The following ATF6 variants were observed in gnomAD, a reference collection of about 807,000 sequenced individuals.
ATF6 encodes the protein activating transcription factor 6.
A neutral mutation model predicts 83.6 loss-of-function variants in ATF6; 53 were observed. That is an observed-to-expected ratio of 0.63 (90% CI 0.51 to 0.80). The LOEUF (loss-of-function observed/expected upper bound fraction) is 0.80. Among genes scored for constraint, ATF6 ranks in the 30% least tolerant of loss-of-function variants. The pLI, the probability that ATF6 is intolerant of heterozygous loss-of-function variation, is 0.00. For synonymous variants in ATF6, 288 were observed against 285.8 expected (o/e 1.01, Z -0.08); for missense variants, 744 against 797.9 (o/e 0.93, Z 0.81).
At chr1:161,776,789 T>A (rs996180738) in intron 1 of ATF6, among the ~76,000 whole-genome samples, 2 of 152,208 alleles carry the variant, frequency 1.3e-5, no homozygotes, top group Admixed American at 1.3e-4. Context: ...CACATGCATC[T>A]TGAAGTGTGG....
intron 15 of ATF6, among the ~76,000 whole-genome samples, chr1:161,924,961 G>A (rs983413157): frequency 6.6e-6 from 1 of 152,106 alleles, no homozygotes; most frequent in Non-Finnish European, 1.5e-5. Flanking sequence ...TATAATCACC[G>A]CCATGTATAG....
chr1:161,831,766 G>C (rs181761989), intron 9 of ATF6, among the ~76,000 whole-genome samples: 1 of 142,986 alleles, frequency 7.0e-6, no homozygotes, highest in Admixed American at 7.0e-5. Flanking sequence ...GGATACAGGA[G>C]GGGGAACATC....
chr1:161,856,943 T>C (rs571047610), intron 12 of ATF6, among the ~76,000 whole-genome samples: 22 of 152,324 alleles, frequency 1.4e-4, no homozygotes, highest in Admixed American at 3.9e-4. Context: ...GGTACACTTC[T>C]TTCTGTAGGG....
In ATF6 at chr1:161,933,256, C is replaced by T. The variant is rs543462869; in HGVS notation, c.1804+20876C>T. On this transcript the variant is annotated intron_variant, in intron 15 of 15. Coordinates refer to ENST00000367942, the MANE Select transcript of ATF6 (RefSeq NM_007348.4). ...TTTTTATATAGAACATTGATATGTA[C>T]AGTTCCATCCTGCAAACAAGTGATA... Among the ~76,000 whole-genome samples, 281 of 152,300 alleles carry T rather than the reference C, an allele frequency of 1.8e-3. 2 individuals carry two copies. Among genetic ancestry groups the T allele is most frequent in the Non-Finnish European group, 2.9e-3 (197 of 68,020 alleles).
In ATF6 at chr1:161,802,168, G is replaced by T. The variant is rs1010112292; in HGVS notation, c.805G>T (p.Val269Leu). The T allele has an allele frequency of 3.1e-6, 5 of 1,613,936 alleles. No homozygotes were observed. The highest frequency in any genetic ancestry group is 4.2e-6 in the Non-Finnish European group (5 of 1,180,018). Residue 269 changes from valine to leucine, a missense_variant, in exon 7 of 16, where the codon GTG (valine) becomes TTG (leucine). Val to Leu is a conservative substitution (Grantham distance 32). Transcript: ENST00000367942. ...GGGAGTCACACAGCTCCCTAATCAC[G>T]TGGTGAATGTGGTACCAGCCCCTTC... is the stretch of plus-strand genomic sequence containing the variant. Reference protein sequence around the residue: ...AGGVTQLPNHVVNVVPAPSAN... With the variant: ...AGGVTQLPNHLVNVVPAPSAN...
At chr1:161,929,870 C>G (rs1252969759) in intron 15 of ATF6, among the ~76,000 whole-genome samples, 1 of 152,174 alleles carries the variant, frequency 6.6e-6, no homozygotes, top group Non-Finnish European at 1.5e-5. Context: ...ACTTGAGACC[C>G]ATTTGGTCTG....
chr1:161,845,552 T>TATA lies in ATF6; in HGVS notation c.1188-896_1188-895insTAA, dbSNP rs1321949129. On this transcript the variant is annotated intron_variant, in intron 9 of 15. Transcript: ENST00000367942. ...GGAGGCCAAGGTGGGAGGATAGCTT[T>TATA]AGCTCAGGAGTTTGAGACTAGTCTG... is the stretch of plus-strand genomic sequence containing the variant. Among the ~76,000 whole-genome samples, 6 of 152,128 alleles carry TATA rather than the reference T, an allele frequency of 3.9e-5. No individual in the cohort carries two copies. In the East Asian group the frequency reaches 1.2e-3, roughly 29 times the overall value.
At chr1:161,809,862 T>C (rs1444525429) in intron 7 of ATF6, among the ~76,000 whole-genome samples, 1 of 152,268 alleles carries the variant, frequency 6.6e-6, no homozygotes, top group Non-Finnish European at 1.5e-5. Flanking sequence ...TCTGTTCATA[T>C]CTTTCGCCCA....
intron 6 of ATF6, among the ~76,000 whole-genome samples, chr1:161,801,383 G>GCC (rs1685144014): frequency 3.8e-5 from 1 of 26,042 alleles, no homozygotes; most frequent in Non-Finnish European, 8.4e-5. Flanking sequence ...TTTTTTTTTT[G>GCC]TCCTTTTTAG....
chr1:161,835,386 T>C (rs916727536), intron 9 of ATF6, among the ~76,000 whole-genome samples: 1 of 152,160 alleles, frequency 6.6e-6, no homozygotes, highest in Non-Finnish European at 1.5e-5. Flanking sequence ...TATTGCTAAC[T>C]GAGCCCTACC....
intron 15 of ATF6, among the ~76,000 whole-genome samples, chr1:161,956,593 G>A (rs1688972054): frequency 6.6e-6 from 1 of 152,218 alleles, no homozygotes; most frequent in Non-Finnish European, 1.5e-5. Flanking sequence ...CATAACAGCG[G>A]TCTTAAAGAA....
At chr1:161,784,478 C>G (rs1684702622) in intron 4 of ATF6, among the ~76,000 whole-genome samples, 1 of 152,108 alleles carries the variant, frequency 6.6e-6, no homozygotes, top group Admixed American at 6.5e-5. Context: ...TCTCTTTAGT[C>G]ACAGCATCTA....
At chr1:161,833,093 T>C (rs1201367750) in intron 9 of ATF6, among the ~76,000 whole-genome samples, 2 of 152,194 alleles carry the variant, frequency 1.3e-5, no homozygotes, top group Non-Finnish European at 2.9e-5. Flanking sequence ...CATTTGCAGT[T>C]CACCAATATC....
At chr1:161,923,507 G>T (rs2101897135) in intron 15 of ATF6, among the ~76,000 whole-genome samples, 1 of 152,158 alleles carries the variant, frequency 6.6e-6, no homozygotes, top group South Asian at 2.1e-4. Flanking sequence ...CTACTATAAG[G>T]TAAACCTGGA....
rs1409760273 is a variant in ATF6, at chr1:161,959,683, A to AG, written c.*1029_*1030insG. 3.3e-5 allele frequency: 5 copies of AG among 151,902 alleles called. No individual in the cohort carries two copies. The East Asian group carries it at 7.7e-4, about 23-fold the overall frequency. The allele number at this position is 151,902 out of a possible 1,614,324, so 9.4% of individuals were successfully genotyped here. On this transcript the variant is annotated 3_prime_UTR_variant, in exon 16 of 16. Coordinates refer to ENST00000367942, the MANE Select transcript of ATF6 (RefSeq NM_007348.4). ...AGACTCCGTCTCAAAAAAAAAAAAA[A>AG]AAAAAAAAAAAGATGGAAAGTTCGA... is the stretch of plus-strand genomic sequence containing the variant.
At chr1:161,920,647 A>G (rs1688195197) in intron 15 of ATF6, among the ~76,000 whole-genome samples, 1 of 151,630 alleles carries the variant, frequency 6.6e-6, no homozygotes, top group Admixed American at 6.6e-5. Context: ...GCAAAGAATC[A>G]CAGTGAATGA....
chr1:161,950,902 T>A (rs1688849811), intron 15 of ATF6, among the ~76,000 whole-genome samples: 1 of 152,224 alleles, frequency 6.6e-6, no homozygotes, highest in Non-Finnish European at 1.5e-5. Context: ...GTGTTTGAGA[T>A]CGATGAAATG....
intron 15 of ATF6, among the ~76,000 whole-genome samples, chr1:161,943,536 C>T (rs188200151): frequency 1.3e-5 from 2 of 152,148 alleles, no homozygotes; most frequent in Non-Finnish European, 2.9e-5. Flanking sequence ...CCAGCCTCAT[C>T]GCCTCCTACT....
At chr1:161,831,944 T>TAAAAAAA (rs574016070) in intron 9 of ATF6, among the ~76,000 whole-genome samples, 14 of 130,472 alleles carry the variant, frequency 1.1e-4, no homozygotes, top group Admixed American at 4.6e-4. Context: ...TAAAGTATAA[T>TAAAAAAA]AAAAAAAAAA....
Sources: gnomAD v4.1 joint callset for allele counts (sites outside exome capture counted in the v4.1 genomes callset) on GRCh38, gnomAD v4.1.1 for gene constraint, MANE v1.5 for transcripts, NCBI Gene and HGNC (gene_info 2026-07-23, HGNC 2026-07-21) for gene names.